Variants in TRIO observed in about 807,000 individuals in gnomAD.
TRIO encodes the protein triple functional domain protein.
In TRIO, 58 loss-of-function variants were observed where a neutral mutation model predicts 351.9. The ratio of observed to expected loss-of-function variants is 0.16; its 90% CI spans 0.13 to 0.21. The LOEUF is 0.21. Among genes scored for constraint, TRIO ranks in the 10% least tolerant of loss-of-function variants. The pLI is 1.00. For synonymous variants in TRIO, 1,758 were observed against 1,595.7 expected, an observed-to-expected ratio of 1.10 and a Z score of -2.42; for missense variants, 3,201 against 4,027.8, an observed-to-expected ratio of 0.79 and a Z score of 5.56.
chr5:14,498,503 C>A lies in TRIO; in HGVS notation c.8211-16C>A, dbSNP rs768178996. 3 of 1,612,006 alleles carry A rather than the reference C, an allele frequency of 1.9e-6. No individual in the cohort carries two copies. In the South Asian group the frequency reaches 3.3e-5, roughly 18 times the overall value. On this transcript the variant is annotated splice_polypyrimidine_tract_variant and intron_variant, in intron 52 of 56. Coordinates refer to ENST00000344204, the MANE Select transcript of TRIO (RefSeq NM_007118.4). ...CAGCTTTTCTGATGCGCAGTGTGTTCCCATCTGTGCCGCAGTGACCTGGGA... is the reference window on the plus strand; with the variant it reads ...CAGCTTTTCTGATGCGCAGTGTGTTACCATCTGTGCCGCAGTGACCTGGGA...
At chr5:14,295,153 C>T (rs762887050) in intron 6 of TRIO, among the ~76,000 whole-genome samples, 10 of 152,156 alleles carry the variant, frequency 6.6e-5, no homozygotes, top group Admixed American at 2.6e-4. Flanking sequence ...TCAGCCCCTT[C>T]TGCTCGCTAT....
At chr5:14,489,155 C>G in intron 48 of TRIO, 1 of 619,556 alleles carries the variant, frequency 1.6e-6, no homozygotes, top group Admixed American at 2.7e-5. Context: ...GTCTGTGTCT[C>G]TCTTTATATT....
At chr5:14,307,044 A>G (rs1738433425) in intron 8 of TRIO, among the ~76,000 whole-genome samples, 1 of 152,236 alleles carries the variant, frequency 6.6e-6, no homozygotes, top group Admixed American at 6.5e-5. Flanking sequence ...ATGAACTGAA[A>G]GGATTTTCAG....
chr5:14,181,317 C>T (rs1789752498), intron 1 of TRIO, among the ~76,000 whole-genome samples: 1 of 152,168 alleles, frequency 6.6e-6, no homozygotes, highest in Admixed American at 6.5e-5. Flanking sequence ...TAGTACTTCT[C>T]TGAAGTTTTT....
chr5:14,453,723 T>A (rs1451797320), intron 34 of TRIO, among the ~76,000 whole-genome samples: 1 of 152,208 alleles, frequency 6.6e-6, no homozygotes, highest in Non-Finnish European at 1.5e-5. Context: ...ATCATCCATC[T>A]GGGCCTTGGA....
intron 1 of TRIO, among the ~76,000 whole-genome samples, chr5:14,151,394 GTGTGTGTGTGTGTGTA>G (rs1294732127): frequency 6.6e-6 from 1 of 151,804 alleles, no homozygotes; most frequent in Admixed American, 6.6e-5. Flanking sequence ...GTTTGTGTGT[GTGTGTGTGTGTGTGTA>G]TGTATGTATG....
intron 1 of TRIO, among the ~76,000 whole-genome samples, chr5:14,145,661 C>G (rs1266937020): frequency 6.6e-6 from 1 of 152,166 alleles, no homozygotes; most frequent in Non-Finnish European, 1.5e-5. Flanking sequence ...TTCAGCTCCT[C>G]TCTGTTAGAA....
chr5:14,203,806 A>G (rs1335428655), intron 1 of TRIO, among the ~76,000 whole-genome samples: 2 of 152,034 alleles, frequency 1.3e-5, no homozygotes, highest in African/African-American at 4.8e-5. Context: ...TTTTCTCAGC[A>G]GACCAGGGAA....
At chr5:14,158,422 T>C (rs1788244249) in intron 1 of TRIO, among the ~76,000 whole-genome samples, 2 of 144,288 alleles carry the variant, frequency 1.4e-5, no homozygotes, top group South Asian at 4.4e-4. Flanking sequence ...AGACTCCGCC[T>C]CAAAAAAAAA....
At chr5:14,395,988 G>A (rs1165847931) in intron 28 of TRIO, among the ~76,000 whole-genome samples, 1 of 146,360 alleles carries the variant, frequency 6.8e-6, no homozygotes, top group Non-Finnish European at 1.5e-5. Context: ...AGAGCTTGCA[G>A]TGAGCCGAGA....
chr5:14,388,634 T>G lies in TRIO; in HGVS notation c.3903T>G (p.Ile1301Met), dbSNP rs1326101425. The G allele has an allele frequency of 6.2e-7, 1 of 1,613,224 alleles. No individual in the cohort carries two copies. The highest frequency in any genetic ancestry group is 2.2e-5 in the East Asian group (1 of 44,840). The change falls in exon 24 of 57, where the codon ATT (isoleucine) becomes ATG (methionine). Residue 1301 changes from isoleucine to methionine, a missense_variant. Transcript: ENST00000344204. ...TAAGGTTCATAATGGCTGAGCTCAT[T>G]CAAACTGAAAAGGCTTATGTAAGAG... is the stretch of plus-strand genomic sequence containing the variant. ...RRKEFIMAEL[I>M]QTEKAYVRDL...
chr5:14,146,421 ACT>A (rs1175048989), intron 1 of TRIO, among the ~76,000 whole-genome samples: 1 of 151,928 alleles, frequency 6.6e-6, no homozygotes, highest in African/African-American at 2.4e-5. Flanking sequence ...CAGCCCTGAA[ACT>A]CTGTTTGCAT....
intron 11 of TRIO, among the ~76,000 whole-genome samples, chr5:14,347,693 C>T (rs1193544615): frequency 6.6e-6 from 1 of 152,190 alleles, no homozygotes; most frequent in Non-Finnish European, 1.5e-5. Context: ...ACTGTCAGTG[C>T]AGAGGTTGGT....
At chr5:14,241,104 G>A (rs962977401) in intron 1 of TRIO, among the ~76,000 whole-genome samples, 3 of 152,126 alleles carry the variant, frequency 2.0e-5, no homozygotes, top group South Asian at 2.1e-4. Flanking sequence ...TAGAATTAAG[G>A]CTTTTAAAAT....
intron 1 of TRIO, among the ~76,000 whole-genome samples, chr5:14,210,520 T>A (rs1051354949): frequency 6.6e-6 from 1 of 152,238 alleles, no homozygotes; most frequent in African/African-American, 2.4e-5. Context: ...CTTTTCCAGA[T>A]CTGTGGAGCA....
At chr5:14,145,988 T>C (rs1344418118) in intron 1 of TRIO, among the ~76,000 whole-genome samples, 1 of 152,222 alleles carries the variant, frequency 6.6e-6, no homozygotes, top group Non-Finnish European at 1.5e-5. Flanking sequence ...GTTGTTTCAC[T>C]TAGAATCAGG....
At chr5:14,439,738 C>T (rs568739690) in intron 34 of TRIO, among the ~76,000 whole-genome samples, 10 of 152,234 alleles carry the variant, frequency 6.6e-5, no homozygotes, top group South Asian at 2.1e-4. Flanking sequence ...ATCACGGGAC[C>T]GTTTAAAGGG....
chr5:14,171,380 A>G (rs146967380), intron 1 of TRIO, among the ~76,000 whole-genome samples: 2 of 152,356 alleles, frequency 1.3e-5, no homozygotes, highest in Admixed American at 6.5e-5. Flanking sequence ...ATGTAAATCT[A>G]CGTTTTTCAG....
chr5:14,457,043 CAG>C (rs1196335436), intron 34 of TRIO, among the ~76,000 whole-genome samples: 1 of 152,040 alleles, frequency 6.6e-6, no homozygotes, highest in Admixed American at 6.5e-5. Flanking sequence ...TTTTCCCCAC[CAG>C]AGAGAGTCAA....
Sources: allele counts gnomAD v4.1 joint callset (sites outside exome capture counted in the v4.1 genomes callset), GRCh38; gene constraint gnomAD v4.1.1; transcripts MANE v1.5; gene names NCBI Gene and HGNC (gene_info 2026-07-23, HGNC 2026-07-21).